ABCB7: variants seen among roughly 807,000 people sequenced by gnomAD.
ABCB7 encodes the protein iron-sulfur clusters transporter ABCB7, mitochondrial.
ABCB7 carries 7 observed loss-of-function variants against 54.4 expected under a neutral mutation model. That is an observed-to-expected ratio of 0.13 (90% CI 0.07 to 0.24). The LOEUF (loss-of-function observed/expected upper bound fraction) is 0.24. Ranked by LOEUF, ABCB7 falls within the 10% of genes least tolerant of loss-of-function variation. The pLI is 1.00. For missense variants in ABCB7, 356 were observed against 570.4 expected (o/e 0.62, Z 3.83); for synonymous variants, 218 against 207.1 (o/e 1.05, Z -0.45).
chrX:75,070,616 ATATTCT>A, intron 9 of ABCB7, 94 bp from the exon 10 acceptor site: 1 of 880,716 alleles, frequency 1.1e-6, no homozygotes, highest in Non-Finnish European at 1.7e-6. Flanking sequence ...ACGGAACAAA[ATATTCT>A]TAATCAGCAA....
intron 1 of ABCB7, among the ~76,000 whole-genome samples, chrX:75,115,994 T>C (rs190131054): frequency 2.7e-4 from 30 of 111,859 alleles, no homozygotes; most frequent in African/African-American, 8.4e-4. Context: ...CAAAGTATTT[T>C]ATCCCAAAAT....
At chrX:75,057,408 GAC>G (rs1362680113) in intron 15 of ABCB7, among the ~76,000 whole-genome samples, 1 of 105,190 alleles carries the variant, frequency 9.5e-6, no homozygotes, top group Non-Finnish European at 1.9e-5. Flanking sequence ...AATTTTTGGA[GAC>G]AGAGTCTCGC....
rs765519236 is a variant in ABCB7, at chrX:75,069,088, C to T, written c.1578G>A (p.Lys526=). The T allele has an allele frequency of 1.7e-6, 2 of 1,209,186 alleles. No individual in the cohort carries two copies. Among genetic ancestry groups the T allele is most frequent in the Non-Finnish European group, 2.2e-6 (2 of 893,209 alleles). Residue 526 remains lysine, a synonymous_variant, in exon 12 of 16, where the codon AAG becomes AAA. Coordinates refer to ENST00000373394, the MANE Select transcript of ABCB7 (RefSeq NM_001271696.3). ...RLLFRFYEPQ[K]GSIYLAGQNI... is the part of the protein sequence containing the mutation. ...TTTGACCAGCAAGATAAATGCTACC[C>T]TTTTGAGGCTCATAGAAGCGAAATA...
intron 4 of ABCB7, among the ~76,000 whole-genome samples, chrX:75,091,030 A>G (rs2147492954): frequency 9.0e-6 from 1 of 111,534 alleles, no homozygotes; most frequent in African/African-American, 3.2e-5. Context: ...AATTTTACTA[A>G]CTACTTAAAG....
intron 4 of ABCB7, among the ~76,000 whole-genome samples, chrX:75,084,103 C>A (rs2081477476): frequency 9.0e-6 from 1 of 110,857 alleles, no homozygotes; most frequent in African/African-American, 3.3e-5. Flanking sequence ...ATAAGAGGCC[C>A]TGAGCCAAGG....
chrX:75,148,272 T>C (rs1350142231), intron 1 of ABCB7, among the ~76,000 whole-genome samples: 1 of 111,782 alleles, frequency 8.9e-6, no homozygotes, highest in African/African-American at 3.3e-5. Flanking sequence ...AGCTTAAACA[T>C]GAAATATTTT....
rs1418767186 is a variant in ABCB7, at chrX:75,051,875, C to G, written c.*1495G>C. On this transcript the variant is annotated 3_prime_UTR_variant, in exon 16 of 16. Coordinates refer to ENST00000373394, the MANE Select transcript of ABCB7 (RefSeq NM_001271696.3). ...TCCCATTTACTTGTTTCTTTGTAAACTTCGAATAGAAAAAGCAGCACATTT... is the reference window on the plus strand; with the variant it reads ...TCCCATTTACTTGTTTCTTTGTAAAGTTCGAATAGAAAAAGCAGCACATTT... 8.9e-6 allele frequency: 1 copy of G among 112,183 alleles called. No individual in the cohort carries two copies. Among genetic ancestry groups the G allele is most frequent in the Non-Finnish European group, 1.9e-5 (1 of 53,193 alleles). The allele number at this position is 112,183 out of a possible 1,213,427, so 9.2% of individuals were successfully genotyped here.
At chrX:75,139,168 C>G (rs5937959) in intron 1 of ABCB7, among the ~76,000 whole-genome samples, 71,281 of 109,400 alleles carry the variant, frequency 0.65, 20,724 homozygotes, top group Non-Finnish European at 0.91. Flanking sequence ...TCCTAAAACA[C>G]TTCAAACCCT....
chrX:75,059,883 A>C (rs1280081878), intron 15 of ABCB7, among the ~76,000 whole-genome samples: 3 of 112,044 alleles, frequency 2.7e-5, no homozygotes, highest in Non-Finnish European at 5.6e-5. Context: ...AAAAACATAT[A>C]ATACAGCAAA....
At chrX:75,095,972 C>T (rs1039303044) in intron 4 of ABCB7, among the ~76,000 whole-genome samples, 12 of 111,748 alleles carry the variant, frequency 1.1e-4, no homozygotes, top group Non-Finnish European at 2.1e-4. Flanking sequence ...ATACAAATGC[C>T]ATTACTTAAG....
intron 1 of ABCB7, among the ~76,000 whole-genome samples, chrX:75,153,670 G>C (rs1177126150): frequency 1.9e-5 from 2 of 104,667 alleles, no homozygotes; most frequent in African/African-American, 6.9e-5. Flanking sequence ...CCAGGTCTAG[G>C]GCATATACTG....
chrX:75,104,055 T>G lies in ABCB7; in HGVS notation c.334-4994A>C, dbSNP rs577310166. On this transcript the variant is annotated intron_variant, in intron 3 of 15. Coordinates refer to ENST00000373394, the MANE Select transcript of ABCB7 (RefSeq NM_001271696.3). ...ATCCCTGTCTTGTTACAGTTTTTTTTTTTTTTTTTTTTTTTTTTTTTTTTT... is the reference window on the plus strand; with the variant it reads ...ATCCCTGTCTTGTTACAGTTTTTTTGTTTTTTTTTTTTTTTTTTTTTTTTT... Among the ~76,000 whole-genome samples, 442 of 49,827 alleles carry G rather than the reference T, an allele frequency of 8.9e-3. 2 individuals carry two copies. The highest frequency in any genetic ancestry group is 0.018 in the African/African-American group (203 of 11,203). The allele number at this position is 49,827 out of a possible 115,157, so 43.3% of individuals were successfully genotyped here.
At chrX:75,154,882 G>A (rs2082161937) in intron 1 of ABCB7, among the ~76,000 whole-genome samples, 2 of 111,578 alleles carry the variant, frequency 1.8e-5, no homozygotes, top group South Asian at 7.5e-4. Flanking sequence ...CTCCTGTAGA[G>A]GTGTTCAATA....
intron 1 of ABCB7, among the ~76,000 whole-genome samples, chrX:75,154,187 G>C (rs1458094026): frequency 2.7e-5 from 3 of 111,154 alleles, no homozygotes. Flanking sequence ...CTGAGGAAAT[G>C]GTAACTAAAG....
intron 4 of ABCB7, among the ~76,000 whole-genome samples, chrX:75,090,357 C>A (rs752196943): frequency 9.1e-6 from 1 of 110,481 alleles, no homozygotes; most frequent in East Asian, 2.8e-4. Context: ...TGACGGTAGG[C>A]ATATCCCAAT....
intron 14 of ABCB7, among the ~76,000 whole-genome samples, chrX:75,061,002 G>T (rs2081278484): frequency 9.0e-6 from 1 of 111,632 alleles, no homozygotes; most frequent in South Asian, 3.7e-4. Flanking sequence ...CAGTGTGGGG[G>T]ATGGGGATAT....
intron 4 of ABCB7, among the ~76,000 whole-genome samples, chrX:75,091,793 T>C (rs1344113833): frequency 9.0e-6 from 1 of 111,192 alleles, no homozygotes; most frequent in Non-Finnish European, 1.9e-5. Context: ...AATGAACATA[T>C]GCAATTTGAA....
At chrX:75,090,350 C>T (rs1233103903) in intron 4 of ABCB7, among the ~76,000 whole-genome samples, 1 of 110,106 alleles carries the variant, frequency 9.1e-6, no homozygotes, top group Non-Finnish European at 1.9e-5. Context: ...AACAGAATGA[C>T]GGTAGGCATA....
At chrX:75,147,845 G>A (rs1312261633) in intron 1 of ABCB7, among the ~76,000 whole-genome samples, 2 of 112,717 alleles carry the variant, frequency 1.8e-5, no homozygotes, top group East Asian at 5.5e-4. Flanking sequence ...GCCAGGCGTG[G>A]TGGCTCAGGC....
Sources: gnomAD v4.1 joint callset for allele counts (sites outside exome capture counted in the v4.1 genomes callset) on GRCh38, gnomAD v4.1.1 for gene constraint, MANE v1.5 for transcripts, NCBI Gene and HGNC (gene_info 2026-07-23, HGNC 2026-07-21) for gene names.